Variants in SHANK2 observed in about 807,000 individuals in gnomAD.
SHANK2 encodes the protein SH3 and multiple ankyrin repeat domains 2.
A neutral mutation model predicts 133.7 loss-of-function variants in SHANK2; 43 were observed. The ratio of observed to expected loss-of-function variants is 0.32; its 90% CI spans 0.25 to 0.41. The LOEUF (loss-of-function observed/expected upper bound fraction) is 0.41, where lower values mean the gene tolerates loss of function less well. SHANK2 is among the 10% of genes least tolerant of loss of function. The pLI is 1.00. For synonymous variants in SHANK2, 1,017 were observed against 952.8 expected, an observed-to-expected ratio of 1.07 and a Z score of -1.24; for missense variants, 1,994 against 2,235.8, an observed-to-expected ratio of 0.89 and a Z score of 2.18.
At chr11:71,192,946 C>G (rs953693869) in intron 2 of SHANK2, among the ~76,000 whole-genome samples, 1 of 152,194 alleles carries the variant, frequency 6.6e-6, no homozygotes, top group Non-Finnish European at 1.5e-5. Context: ...CCTTCCTTGT[C>G]AAAGGCAAAC....
Position 70,487,821 on chromosome 11 carries a change from A to G in SHANK2, c.2573-101T>C. Reference sequence around the variant, plus strand: ...TACATCTCCACAAACTCACAAATTCAGATGATGAACCGGATGTTCAGGAAA... The same window carrying G: ...TACATCTCCACAAACTCACAAATTCGGATGATGAACCGGATGTTCAGGAAA... On this transcript the variant is annotated intron_variant, in intron 24 of 25. Transcript: ENST00000601538. The surrounding 1 kb of genome is among the most constrained non-coding windows in gnomAD (Gnocchi z 5.8). 2 of 1,546,000 alleles carry G rather than the reference A, an allele frequency of 1.3e-6. No homozygotes were observed. Among genetic ancestry groups the G allele is most frequent in the South Asian group, 1.2e-5 (1 of 83,266 alleles).
intron 17 of SHANK2, among the ~76,000 whole-genome samples, chr11:70,620,528 AC>A (rs781865121): frequency 1.2e-5 from 1 of 84,110 alleles, no homozygotes; most frequent in Non-Finnish European, 2.5e-5. Context: ...GGTCTCCCCC[AC>A]CCCCACCATG....
intron 1 of SHANK2, among the ~76,000 whole-genome samples, chr11:71,231,760 G>T (rs1421648557): frequency 6.6e-6 from 1 of 152,130 alleles, no homozygotes; most frequent in Non-Finnish European, 1.5e-5. Context: ...ATGGTGGCAT[G>T]TGCCTGTAGT....
chr11:71,145,807 CAT>C (rs35296057), intron 3 of SHANK2, among the ~76,000 whole-genome samples: 111,648 of 151,814 alleles, frequency 0.74, 41,398 homozygotes, highest in African/African-American at 0.81. Context: ...AGACTGTACT[CAT>C]AGAGGTCGGG....
rs1260514024 is a variant in SHANK2 at position 71,252,230 on chromosome 11, C to G, written c.-113+195G>C. Among the ~76,000 whole-genome samples, 3 of 152,154 alleles carry G rather than the reference C, an allele frequency of 2.0e-5. No individual in the cohort carries two copies. Among genetic ancestry groups the G allele is most frequent in the Non-Finnish European group, 4.4e-5 (3 of 68,016 alleles). On this transcript the variant is annotated intron_variant, in intron 1 of 25. Coordinates refer to ENST00000601538, the MANE Select transcript of SHANK2 (RefSeq NM_012309.5). The surrounding 1 kb of genome is among the most constrained non-coding windows in gnomAD (Gnocchi z 6.3). ...GGGCTCTCTACGGAAAATCGACCCC[C>G]ACCTGGACACGCGGCTCACTCCCCC...
At chr11:70,600,134 A>G (rs1468644216) in intron 17 of SHANK2, among the ~76,000 whole-genome samples, 11 of 152,216 alleles carry the variant, frequency 7.2e-5, no homozygotes, top group African/African-American at 1.7e-4. Context: ...GAAAATACAT[A>G]TGGAGCAGGC....
chr11:70,732,299 C>A lies in SHANK2; in HGVS notation c.1778-33536G>T, dbSNP rs370281483. Among the ~76,000 whole-genome samples the A allele has an allele frequency of 3.3e-5, 5 of 152,356 alleles. No homozygotes were observed. In the East Asian group the frequency reaches 7.7e-4, roughly 24 times the overall value. On this transcript the variant is annotated intron_variant, in intron 14 of 25. Transcript: ENST00000601538. Reference sequence around the variant, plus strand: ...ACAGCAAGTGCCTGCAGGTCACAGACAACTCCGGACCCTTCTTGCTGCCCA... The same window carrying A: ...ACAGCAAGTGCCTGCAGGTCACAGAAAACTCCGGACCCTTCTTGCTGCCCA...
chr11:70,526,445 G>T (rs1243352349), intron 17 of SHANK2, among the ~76,000 whole-genome samples: 3 of 152,188 alleles, frequency 2.0e-5, no homozygotes, highest in Non-Finnish European at 4.4e-5. Flanking sequence ...CACATGCAGG[G>T]CCTGATTGCC....
rs146509852 is a variant in SHANK2, at chr11:70,906,384, C to T, written c.1108-9817G>A. Reference sequence around the variant, plus strand: ...GCCCACAGTGTGACCTGTTCCCTGACGCCAAGAGGTAGAGCCCAGGCGAGG... The same window carrying T: ...GCCCACAGTGTGACCTGTTCCCTGATGCCAAGAGGTAGAGCCCAGGCGAGG... On this transcript the variant is annotated intron_variant, in intron 10 of 25. Transcript: ENST00000601538. 1.1e-3 allele frequency among the ~76,000 whole-genome samples: 170 copies of T among 152,306 alleles called. 1 individual carries two copies. In the Middle Eastern group the frequency reaches 0.014, roughly 12 times the overall value.
At chr11:70,896,314 C>T in intron 11 of SHANK2, 187 bp downstream of exon 11, 1 of 555,756 alleles carries the variant, frequency 1.8e-6, no homozygotes, top group Non-Finnish European at 3.2e-6. Flanking sequence ...CTTCCTTAGC[C>T]CCATCCCCAC....
chr11:71,077,039 T>A (rs1205049648), intron 8 of SHANK2, among the ~76,000 whole-genome samples: 1 of 152,054 alleles, frequency 6.6e-6, no homozygotes, highest in Non-Finnish European at 1.5e-5. Context: ...GGAAGAGACA[T>A]GCACAAAGCC....
At chr11:70,757,722 A>C (rs1416547543) in intron 14 of SHANK2, among the ~76,000 whole-genome samples, 1 of 152,194 alleles carries the variant, frequency 6.6e-6, no homozygotes, top group Non-Finnish European at 1.5e-5. Context: ...AAGCTGTGGC[A>C]CTGTTATAAA....
intron 12 of SHANK2, among the ~76,000 whole-genome samples, chr11:70,815,330 G>A (rs183486386): frequency 1.3e-5 from 2 of 152,210 alleles, no homozygotes; most frequent in Admixed American, 1.3e-4. Context: ...GGGGAGGATG[G>A]GGGCAGGGAC....
rs553395055 is a variant in SHANK2 at position 71,212,190 on chromosome 11, C to T, written c.-13+12507G>A. On this transcript the variant is annotated intron_variant, in intron 2 of 25. Coordinates refer to ENST00000601538, the MANE Select transcript of SHANK2 (RefSeq NM_012309.5). ...GCCAGGAAGCTCAGAGATTAAAAAC[C>T]GGATGTTAACTGTACAAATGCTCTC... Among the ~76,000 whole-genome samples the T allele has an allele frequency of 3.3e-5, 5 of 152,180 alleles. No individual in the cohort carries two copies. The East Asian group carries it at 5.8e-4, about 18-fold the overall frequency.
chr11:71,195,284 C>T (rs572030378), intron 2 of SHANK2, among the ~76,000 whole-genome samples: 4 of 151,864 alleles, frequency 2.6e-5, no homozygotes, highest in African/African-American at 7.3e-5. Context: ...CCCAGCTACT[C>T]GGGAGGCTAA....
intron 10 of SHANK2, among the ~76,000 whole-genome samples, chr11:70,941,701 C>G (rs1197209580): frequency 6.6e-6 from 1 of 152,128 alleles, no homozygotes; most frequent in Non-Finnish European, 1.5e-5. Context: ...AGGAAATCAG[C>G]CCCCATGAGA....
At chr11:70,584,410 T>C (rs556914435) in intron 17 of SHANK2, among the ~76,000 whole-genome samples, 2 of 152,070 alleles carry the variant, frequency 1.3e-5, no homozygotes, top group South Asian at 4.1e-4. Context: ...CTAGAGAAAG[T>C]AAACAGCTCA....
In SHANK2 at chr11:70,834,489, C is replaced by T. The variant is rs572633988; in HGVS notation, c.1175-13807G>A. ...TGCAAGAGCCTCAGCCAGCGGGGGCCAAGCCAGGAGCAGGGGTGGCAGGTG... is the reference window on the plus strand; with the variant it reads ...TGCAAGAGCCTCAGCCAGCGGGGGCTAAGCCAGGAGCAGGGGTGGCAGGTG... On this transcript the variant is annotated intron_variant, in intron 11 of 25. Coordinates refer to ENST00000601538, the MANE Select transcript of SHANK2 (RefSeq NM_012309.5). Among the ~76,000 whole-genome samples the T allele has an allele frequency of 2.0e-5, 3 of 152,322 alleles. No homozygotes were observed. The South Asian group carries it at 6.2e-4, about 32-fold the overall frequency.
At chr11:70,680,858 G>A (rs1002789650) in intron 15 of SHANK2, among the ~76,000 whole-genome samples, 2 of 152,150 alleles carry the variant, frequency 1.3e-5, no homozygotes, top group African/African-American at 4.8e-5. Flanking sequence ...TCCTTGTGGG[G>A]ACTCTCAACA....
Sources: gnomAD v4.1 joint callset for allele counts (sites outside exome capture counted in the v4.1 genomes callset) on GRCh38, gnomAD v4.1.1 for gene constraint, Gnocchi (gnomAD v3.1) non-coding constraint, MANE v1.5 for transcripts, NCBI Gene and HGNC (gene_info 2026-07-23, HGNC 2026-07-21) for gene names.